The following THSD7B variants were observed in gnomAD, a reference collection of about 807,000 sequenced individuals.
The protein encoded by THSD7B is thrombospondin type 1 domain containing 7B.
Under a neutral mutation model 213.6 loss-of-function variants are expected in THSD7B, and 138 were observed. The observed-to-expected ratio is 0.65, with a 90% CI of 0.56 to 0.74. The LOEUF is 0.74. Ranked by LOEUF, THSD7B falls within the 30% of genes least tolerant of loss-of-function variation. THSD7B has a pLI of 0.00. For missense variants in THSD7B, 1,931 were observed against 1,991.5 expected (o/e 0.97, Z 0.58); for synonymous variants, 742 against 687.0 (o/e 1.08, Z -1.25).
At chr2:137,650,495 T>G (rs1168751396) in intron 21 of THSD7B, among the ~76,000 whole-genome samples, 5 of 152,194 alleles carry the variant, frequency 3.3e-5, no homozygotes, top group African/African-American at 1.2e-4. Flanking sequence ...AGCCTTTAGG[T>G]TTTTGTAAGT....
chr2:137,510,448 C>A (rs1679938146), intron 15 of THSD7B, among the ~76,000 whole-genome samples: 1 of 152,008 alleles, frequency 6.6e-6, no homozygotes. Flanking sequence ...GCATTATAAA[C>A]CCCCAAATAT....
intron 2 of THSD7B, among the ~76,000 whole-genome samples, chr2:136,998,261 C>CAAAAAAAAAAAAAAAAAA (rs33931359): frequency 2.9e-4 from 29 of 98,342 alleles, no homozygotes; most frequent in Non-Finnish European, 3.6e-4. Flanking sequence ...ACTAAAAGGC[C>CAAAAAAAAAAAAAAAAAA]AAAAAAAAAA....
At chr2:137,448,831 AACAAC>A (rs1558800391) in intron 14 of THSD7B, among the ~76,000 whole-genome samples, 3 of 150,968 alleles carry the variant, frequency 2.0e-5, no homozygotes, top group African/African-American at 7.3e-5. Context: ...CAACAACAAC[AACAAC>A]AAAAACTACC....
At position 137,510,265 on chromosome 2, in the gene THSD7B, A is replaced by AT. The variant is rs1317171657; in HGVS notation, c.3139-52950dup. On this transcript the variant is annotated intron_variant, in intron 15 of 27. Transcript: ENST00000409968. ...CCCTAGTTAAGTTTCAGCTATATTT[A>AT]TTTTTTAAAAGTGATTGCTATAGCG... Among the ~76,000 whole-genome samples the AT allele has an allele frequency of 5.3e-5, 8 of 151,982 alleles. No homozygotes were observed. In the East Asian group the frequency reaches 1.5e-3, roughly 29 times the overall value.
At chr2:137,348,569 G>A (rs755609930) in intron 12 of THSD7B, among the ~76,000 whole-genome samples, 1 of 151,600 alleles carries the variant, frequency 6.6e-6, no homozygotes, top group African/African-American at 2.4e-5. Flanking sequence ...TAGCGGGTTC[G>A]TGTGTCACAT....
At chr2:137,636,605 T>G (rs1682836927) in intron 20 of THSD7B, among the ~76,000 whole-genome samples, 1 of 152,250 alleles carries the variant, frequency 6.6e-6, no homozygotes, top group South Asian at 2.1e-4. Flanking sequence ...TAAAATAATT[T>G]AATTCCCATT....
At chr2:137,271,666 A>G (rs1249425076) in intron 10 of THSD7B, among the ~76,000 whole-genome samples, 3 of 151,560 alleles carry the variant, frequency 2.0e-5, no homozygotes, top group East Asian at 3.9e-4. Context: ...TCACACTGCA[A>G]TGTCTTCTAA....
intron 3 of THSD7B, among the ~76,000 whole-genome samples, chr2:137,089,381 C>CTAGTGTGTATATGTATATATACATA: frequency 1.0e-5 from 1 of 96,768 alleles, no homozygotes; most frequent in African/African-American, 5.2e-5. Flanking sequence ...TGTATATATA[C>CTAGTGTGTATATGTATATATACATA]TAGTGTGTAT....
Position 137,677,204 on chromosome 2 carries a change from G to C in THSD7B, c.*599G>C, listed in dbSNP as rs147629159. On this transcript the variant is annotated 3_prime_UTR_variant, in exon 28 of 28. Transcript: ENST00000409968. Reference sequence around the variant, plus strand: ...TGTTTTGTAGCCAGGGGATGATGGCGCTTCATGGGTTGCAGCTACTGAAAA... The same window carrying C: ...TGTTTTGTAGCCAGGGGATGATGGCCCTTCATGGGTTGCAGCTACTGAAAA... 6.6e-6 allele frequency: 1 copy of C among 152,564 alleles called. No individual in the cohort carries two copies. Among genetic ancestry groups the C allele is most frequent in the Non-Finnish European group, 1.5e-5 (1 of 68,020 alleles). The allele number at this position is 152,564 out of a possible 1,614,324, so 9.5% of individuals were successfully genotyped here. A position where few individuals can be genotyped will look rare whatever the true frequency, so the allele number is the denominator to read the frequency against.
At chr2:136,989,219 A>G (rs183706063) in intron 2 of THSD7B, among the ~76,000 whole-genome samples, 6 of 152,168 alleles carry the variant, frequency 3.9e-5, no homozygotes, top group East Asian at 1.9e-4. Flanking sequence ...TTGGTATACA[A>G]TACGGTTTGG....
chr2:137,374,864 A>G (rs867773501), intron 12 of THSD7B, among the ~76,000 whole-genome samples: 1 of 152,136 alleles, frequency 6.6e-6, no homozygotes, highest in African/African-American at 2.4e-5. Context: ...TTGAGTTTCC[A>G]TGAGCCTAGC....
chr2:137,442,597 A>G (rs1687439623), intron 14 of THSD7B, among the ~76,000 whole-genome samples: 1 of 152,070 alleles, frequency 6.6e-6, no homozygotes, highest in Non-Finnish European at 1.5e-5. Context: ...GGCATAAGGA[A>G]AGAAAGAGTA....
At chr2:137,447,207 GA>G (rs1237667736) in intron 14 of THSD7B, among the ~76,000 whole-genome samples, 4 of 150,634 alleles carry the variant, frequency 2.7e-5, no homozygotes, top group African/African-American at 4.9e-5. Flanking sequence ...CATAGGGAAA[GA>G]AAAAAAAAGT....
chr2:137,360,053 G>A lies in THSD7B; in HGVS notation c.2501-45560G>A, dbSNP rs187631647. On this transcript the variant is annotated intron_variant, in intron 12 of 27. Coordinates refer to ENST00000409968, the MANE Select transcript of THSD7B (RefSeq NM_001316349.2). ...GCAACTGCTATTTGTTTCAAGCTTA[G>A]ATAATCAATACTAAAAATTAACTTG... is the stretch of plus-strand genomic sequence containing the variant. Among the ~76,000 whole-genome samples the A allele has an allele frequency of 1.5e-3, 236 of 152,280 alleles. 5 individuals are homozygous for A. In the Middle Eastern group the frequency reaches 0.024, roughly 15 times the overall value.
chr2:137,326,849 G>GA (rs1230424203), intron 12 of THSD7B, among the ~76,000 whole-genome samples: 1 of 152,120 alleles, frequency 6.6e-6, no homozygotes, highest in Non-Finnish European at 1.5e-5. Flanking sequence ...AAGAATGCCA[G>GA]AAAAAATGGA....
intron 6 of THSD7B, among the ~76,000 whole-genome samples, chr2:137,167,714 G>A (rs568975599): frequency 6.6e-6 from 1 of 152,102 alleles, no homozygotes; most frequent in East Asian, 1.9e-4. Context: ...TGGAGTCATA[G>A]AAAAAAATAA....
chr2:137,613,269 A>G (rs352190), intron 17 of THSD7B, among the ~76,000 whole-genome samples: 72,326 of 151,926 alleles, frequency 0.48, 18,222 homozygotes, highest in African/African-American at 0.64. Flanking sequence ...GGTTTAACAT[A>G]TTCCTTTATC....
intron 2 of THSD7B, among the ~76,000 whole-genome samples, chr2:136,988,704 TG>T (rs1350827098): frequency 6.6e-6 from 1 of 152,244 alleles, no homozygotes; most frequent in Non-Finnish European, 1.5e-5. Context: ...TTCCTGCCAA[TG>T]ATACTTTATT....
intron 12 of THSD7B, among the ~76,000 whole-genome samples, chr2:137,403,270 A>G (rs1177108481): frequency 2.0e-5 from 3 of 152,172 alleles, no homozygotes; most frequent in African/African-American, 7.2e-5. Context: ...GGCTTTCACC[A>G]GTTCTAAAAA....
Sources: allele counts gnomAD v4.1 joint callset (sites outside exome capture counted in the v4.1 genomes callset), GRCh38; gene constraint gnomAD v4.1.1; transcripts MANE v1.5; gene names NCBI Gene and HGNC (gene_info 2026-07-23, HGNC 2026-07-21).